Variants in DPP10 observed in about 807,000 individuals in gnomAD.
The protein encoded by DPP10 is inactive dipeptidyl peptidase 10.
DPP10 carries 33 observed loss-of-function variants against 120.9 expected under a neutral mutation model. The observed-to-expected ratio is 0.27, with a 90% CI of 0.21 to 0.37. DPP10 has a LOEUF of 0.37. Among genes scored for constraint, DPP10 ranks in the 10% least tolerant of loss-of-function variants. The pLI is 1.00. For synonymous variants in DPP10, 337 were observed against 326.1 expected, an observed-to-expected ratio of 1.03 and a Z score of -0.36; for missense variants, 816 against 942.8, an observed-to-expected ratio of 0.87 and a Z score of 1.76.
At chr2:115,251,337 CTT>C (rs2058741786) in intron 1 of DPP10, among the ~76,000 whole-genome samples, 1 of 152,156 alleles carries the variant, frequency 6.6e-6, no homozygotes, top group African/African-American at 2.4e-5. Flanking sequence ...TAGCACCTCT[CTT>C]TGTGAGGCCC....
chr2:115,283,141 A>G (rs1157206281), intron 1 of DPP10, among the ~76,000 whole-genome samples: 1 of 151,910 alleles, frequency 6.6e-6, no homozygotes, highest in Non-Finnish European at 1.5e-5. Flanking sequence ...ATCCTGGCCT[A>G]TTTCCCAAGT....
intron 1 of DPP10, among the ~76,000 whole-genome samples, chr2:114,942,363 A>ATATATATG (rs1697013856): frequency 1.0e-5 from 1 of 98,214 alleles, no homozygotes; most frequent in African/African-American, 4.3e-5. Context: ...ATATATATAC[A>ATATATATG]TATATATACA....
intron 1 of DPP10, among the ~76,000 whole-genome samples, chr2:115,264,799 C>T (rs2105774376): frequency 6.6e-6 from 1 of 152,194 alleles, no homozygotes; most frequent in Non-Finnish European, 1.5e-5. Flanking sequence ...ATCAATATGT[C>T]ATCTTTGTTT....
intron 5 of DPP10, among the ~76,000 whole-genome samples, chr2:115,682,512 G>A (rs1159924607): frequency 6.6e-6 from 1 of 151,682 alleles, no homozygotes; most frequent in African/African-American, 2.4e-5. Context: ...ATTTAAAGAA[G>A]GTTTTTCTAT....
intron 1 of DPP10, chr2:115,131,198 A>G (rs1335882595): frequency 2.0e-5 from 3 of 152,226 alleles, no homozygotes; most frequent in African/African-American, 4.8e-5. Flanking sequence ...ATGAAAATAG[A>G]TGAACATGAA....
intron 1 of DPP10, among the ~76,000 whole-genome samples, chr2:114,914,938 C>A (rs929697088): frequency 6.6e-6 from 1 of 151,976 alleles, no homozygotes; most frequent in South Asian, 2.1e-4. Flanking sequence ...GAGACCATCC[C>A]GGCTAAAACG....
At chr2:115,166,556 A>G (rs1169271698) in intron 1 of DPP10, among the ~76,000 whole-genome samples, 1 of 146,478 alleles carries the variant, frequency 6.8e-6, no homozygotes, top group Non-Finnish European at 1.5e-5. Flanking sequence ...ATAAATATAT[A>G]TTATATAAAT....
In DPP10 at chr2:115,159,326, C is replaced by T. The variant is rs570120912; in HGVS notation, c.61-149913C>T. Among the ~76,000 whole-genome samples, 9 of 152,140 alleles carry T rather than the reference C, an allele frequency of 5.9e-5. 1 individual carries two copies. The East Asian group carries it at 1.4e-3, about 23-fold the overall frequency. ...GCAAAAAATTAGCTTGGTGTGGTGG[C>T]GCGCGCCTGTAGTCCCAGCTACTTG... is the stretch of plus-strand genomic sequence containing the variant. On this transcript the variant is annotated intron_variant, in intron 1 of 25. Transcript: ENST00000410059.
At chr2:115,521,493 A>G (rs979349663) in intron 4 of DPP10, among the ~76,000 whole-genome samples, 2 of 151,996 alleles carry the variant, frequency 1.3e-5, no homozygotes, top group Non-Finnish European at 2.9e-5. Context: ...GTTTTTCTTT[A>G]TTTTCTCCAG....
chr2:115,125,165 G>A (rs1344959448), intron 1 of DPP10, among the ~76,000 whole-genome samples: 1 of 152,112 alleles, frequency 6.6e-6, no homozygotes, highest in African/African-American at 2.4e-5. Flanking sequence ...TAATCCAAAG[G>A]TCTAGAATTC....
rs1436694440 is a variant in DPP10, at chr2:115,355,096, T to A, written c.271+11184T>A. ...TGGGATTGCTGGGTCAAAGGTTATT[T>A]CTGGTTCTAGATCCTTGAGGAATTG... On this transcript the variant is annotated intron_variant, in intron 3 of 25. Coordinates refer to ENST00000410059, the MANE Select transcript of DPP10 (RefSeq NM_020868.6). Among the ~76,000 whole-genome samples, 4 of 152,204 alleles carry A rather than the reference T, an allele frequency of 2.6e-5. No homozygotes were observed. The East Asian group carries it at 7.7e-4, about 29-fold the overall frequency.
At chr2:114,740,490 T>C (rs942852480) in intron 1 of DPP10, among the ~76,000 whole-genome samples, 1 of 146,522 alleles carries the variant, frequency 6.8e-6, no homozygotes, top group African/African-American at 2.7e-5. Context: ...ACATGTACCC[T>C]AAAACTTAAA....
intron 1 of DPP10, among the ~76,000 whole-genome samples, chr2:115,287,091 G>A (rs918564048): frequency 2.0e-5 from 3 of 151,968 alleles, no homozygotes; most frequent in Admixed American, 1.3e-4. Flanking sequence ...ATGTATGACT[G>A]TAGAGTTAAC....
At position 115,201,880 on chromosome 2, in the gene DPP10, G is replaced by A. The variant is rs115762197; in HGVS notation, c.61-107359G>A. Among the ~76,000 whole-genome samples the A allele has an allele frequency of 7.1e-3, 1,074 of 152,164 alleles. 17 individuals carry two copies. The highest frequency in any genetic ancestry group is 0.025 in the African/African-American group (1,028 of 41,504). On this transcript the variant is annotated intron_variant, in intron 1 of 25. Coordinates refer to ENST00000410059, the MANE Select transcript of DPP10 (RefSeq NM_020868.6). ...AAAAAAAAAATCCTTATTTGAAGAAGGAAAACATTAGGGCATTATCGGGTG... is the reference window on the plus strand; with the variant it reads ...AAAAAAAAAATCCTTATTTGAAGAAAGAAAACATTAGGGCATTATCGGGTG...
At chr2:114,949,576 T>C (rs1697623302) in intron 1 of DPP10, among the ~76,000 whole-genome samples, 1 of 152,202 alleles carries the variant, frequency 6.6e-6, no homozygotes, top group Non-Finnish European at 1.5e-5. Flanking sequence ...GCCTGAGTGG[T>C]GGGCCCCAAG....
intron 3 of DPP10, among the ~76,000 whole-genome samples, chr2:115,418,294 G>A (rs843388): frequency 0.63 from 95,464 of 151,942 alleles, 30,743 homozygotes; most frequent in Middle Eastern, 0.74. Context: ...AAGAAAGGTC[G>A]AGAATTTATT....
chr2:115,314,487 C>T (rs1265739884), intron 2 of DPP10, among the ~76,000 whole-genome samples: 1 of 152,140 alleles, frequency 6.6e-6, no homozygotes, highest in Non-Finnish European at 1.5e-5. Context: ...TAGGTGTGCA[C>T]AGTAGATGGT....
intron 11 of DPP10, among the ~76,000 whole-genome samples, chr2:115,759,094 G>A (rs974622076): frequency 1.3e-5 from 2 of 152,034 alleles, no homozygotes; most frequent in Admixed American, 6.6e-5. Flanking sequence ...GACACCATTA[G>A]GGAAAAGGAT....
At chr2:115,144,557 G>A (rs981563259) in intron 1 of DPP10, among the ~76,000 whole-genome samples, 4 of 150,992 alleles carry the variant, frequency 2.6e-5, no homozygotes, top group African/African-American at 4.9e-5. Context: ...TGTTTTCACT[G>A]CTCTGCAAGG....
Sources: gnomAD v4.1 joint callset for allele counts (sites outside exome capture counted in the v4.1 genomes callset) on GRCh38, gnomAD v4.1.1 for gene constraint, MANE v1.5 for transcripts, NCBI Gene and HGNC (gene_info 2026-07-23, HGNC 2026-07-21) for gene names.